APOBEC3G: variants seen among roughly 807,000 people sequenced by gnomAD.
APOBEC3G encodes the protein DNA dC->dU-editing enzyme APOBEC-3G.
APOBEC3G carries 44 observed loss-of-function variants against 50.0 expected under a neutral mutation model. The ratio of observed to expected loss-of-function variants is 0.88; its 90% CI spans 0.69 to 1.13. APOBEC3G has a LOEUF of 1.13. APOBEC3G is among the 50% of genes most tolerant of loss of function. APOBEC3G has a pLI of 0.00. For synonymous variants in APOBEC3G, 156 were observed against 175.3 expected (o/e 0.89, Z 0.87); for missense variants, 469 against 492.0 (o/e 0.95, Z 0.44).
chr22:39,080,639 G>A (rs889432935), intron 2 of APOBEC3G: 1 of 401,112 alleles, frequency 2.5e-6, no homozygotes, highest in African/African-American at 2.0e-5. Context: ...GAGACAGAAA[G>A]AGGGGCTGAA....
intron 1 of APOBEC3G, 143 bp from the exon 2 acceptor site, chr22:39,078,789 T>G: frequency 8.1e-7 from 1 of 1,236,592 alleles, no homozygotes; most frequent in Non-Finnish European, 1.1e-6. Flanking sequence ...CTTGGCTCAC[T>G]ACAGTCTCCG....
chr22:39,079,339 C>T, intron 2 of APOBEC3G: 1 of 453,846 alleles, frequency 2.2e-6, no homozygotes, highest in Non-Finnish European at 3.8e-6. Context: ...TTTTTTGAGA[C>T]AGAGTTTCAC....
chr22:39,080,888 C>T (rs1928408740), intron 2 of APOBEC3G, 45 bp from the exon 3 acceptor site: 2 of 1,543,478 alleles, frequency 1.3e-6, no homozygotes, highest in Non-Finnish European at 1.8e-6. Context: ...TGCTCTCCTC[C>T]TGCTCCCCCT....
intron 4 of APOBEC3G, chr22:39,081,845 C>T: frequency 2.3e-6 from 1 of 431,052 alleles, no homozygotes; most frequent in Non-Finnish European, 4.2e-6. Flanking sequence ...CTCCATCCAC[C>T]CCCACAGCCT....
chr22:39,084,063 G>A (rs1928593884), intron 5 of APOBEC3G, among the ~76,000 whole-genome samples, 179 bp downstream of exon 5: 1 of 152,102 alleles, frequency 6.6e-6, no homozygotes, highest in South Asian at 2.1e-4. Context: ...GACTCTCCAG[G>A]ATTGGTGGCT....
chr22:39,082,097 C>G (rs770578907), intron 4 of APOBEC3G: 4 of 159,876 alleles, frequency 2.5e-5, no homozygotes, highest in African/African-American at 4.8e-5. Flanking sequence ...TTTTCTCACA[C>G]ATCTGGAGGC....
intron 1 of APOBEC3G, 88 bp downstream of exon 1, chr22:39,077,466 G>T (rs879912026): frequency 6.5e-7 from 1 of 1,546,930 alleles, no homozygotes; most frequent in Non-Finnish European, 8.7e-7. Flanking sequence ...GCCTTCCCCT[G>T]CCCCAGCCCC....
intron 2 of APOBEC3G, chr22:39,079,961 T>A (rs1211229435): frequency 1.3e-5 from 2 of 154,710 alleles, no homozygotes; most frequent in Non-Finnish European, 2.9e-5. Flanking sequence ...GGAGAACCGC[T>A]TGATCCCATG....
Position 39,079,080 on chromosome 22 carries a change from G to C in APOBEC3G, c.166G>C (p.Gly56Arg). The C allele has an allele frequency of 6.2e-7, 1 of 1,614,060 alleles. No homozygotes were observed. Among genetic ancestry groups the C allele is most frequent in the Non-Finnish European group, 8.5e-7 (1 of 1,179,988 alleles). ...RPPLDAKIFR[G>R]QVYSELKYHP... Reference sequence around the variant, plus strand: ...CCCTTTGGACGCAAAGATCTTTCGAGGCCAGGTACCACCCGGACTCCAATC... The same window carrying C: ...CCCTTTGGACGCAAAGATCTTTCGACGCCAGGTACCACCCGGACTCCAATC... The change falls in exon 2 of 8, where the codon GGC (glycine) becomes CGC (arginine). Residue 56 changes from glycine (G) to arginine (R), a missense_variant. Coordinates refer to ENST00000407997, the MANE Select transcript of APOBEC3G (RefSeq NM_021822.4).
rs1928751468 is a variant in APOBEC3G, at chr22:39,087,504, G to A, written c.*83G>A. The A allele has an allele frequency of 1.2e-6, 2 of 1,611,778 alleles. No homozygotes were observed. The highest frequency in any genetic ancestry group is 2.2e-5 in the South Asian group (2 of 91,022). On this transcript the variant is annotated 3_prime_UTR_variant, in exon 8 of 8. Coordinates refer to ENST00000407997, the MANE Select transcript of APOBEC3G (RefSeq NM_021822.4). ...GATCTTCTTCCAAGAAATGCAAACA[G>A]GCTGTTCACCACCATCTCCAGCTGA... is the stretch of plus-strand genomic sequence containing the variant.
chr22:39,083,536 C>T (rs549328448), intron 4 of APOBEC3G, among the ~76,000 whole-genome samples, 195 bp from the exon 5 acceptor site: 4 of 152,138 alleles, frequency 2.6e-5, no homozygotes, highest in Non-Finnish European at 5.9e-5. Flanking sequence ...CCAGTGAGCC[C>T]CAGAAGGGGT....
chr22:39,077,213 A>T (rs1440025659), upstream of APOBEC3G: 2 of 1,378,058 alleles, frequency 1.5e-6, no homozygotes, highest in Non-Finnish European at 2.0e-6. Flanking sequence ...CTCCTACACC[A>T]GCGCCTGAGC....
At chr22:39,083,304 C>T (rs956819010) in intron 4 of APOBEC3G, 6 of 156,242 alleles carry the variant, frequency 3.8e-5, no homozygotes, top group African/African-American at 1.4e-4. Context: ...TGTCTCTGCC[C>T]TGATGCTGGG....
rs1928693082 is a variant in APOBEC3G, at chr22:39,086,389, C to T, written c.846C>T (p.Phe282=). Residue 282 remains phenylalanine (F), a synonymous_variant, in exon 6 of 8, where the codon TTC becomes TTT. Transcript: ENST00000407997. Reference sequence around the variant, plus strand: ...ACCAGGACTACAGGGTTACCTGCTTCACCTCCTGGAGCCCCTGCTTCAGCT... The same window carrying T: ...ACCAGGACTACAGGGTTACCTGCTTTACCTCCTGGAGCCCCTGCTTCAGCT... ...DLDQDYRVTC[F]TSWSPCFSCA... is the part of the protein sequence containing the mutation. 15 of 1,614,216 alleles carry T rather than the reference C, an allele frequency of 9.3e-6. No homozygotes were observed. Among genetic ancestry groups the T allele is most frequent in the Non-Finnish European group, 1.2e-5 (14 of 1,180,028 alleles).
intron 2 of APOBEC3G, 182 bp from the exon 3 acceptor site, chr22:39,080,751 A>G: frequency 1.6e-6 from 1 of 630,630 alleles, no homozygotes; most frequent in Non-Finnish European, 2.8e-6. Flanking sequence ...TACCATAGCA[A>G]TTAATACTGA....
At chr22:39,080,713 G>T in intron 2 of APOBEC3G, 2 of 559,892 alleles carry the variant, frequency 3.6e-6, no homozygotes, top group Non-Finnish European at 6.3e-6. Context: ...CCTCATAGCT[G>T]CTTGTAGGTG....
At chr22:39,086,207 G>C (rs1379104800) in intron 5 of APOBEC3G, 72 bp from the exon 6 acceptor site, 2 of 1,496,694 alleles carry the variant, frequency 1.3e-6, no homozygotes, top group African/African-American at 2.8e-5. Context: ...GTACACTCCA[G>C]CCTGGGCAAC....
In APOBEC3G at chr22:39,081,100, G is replaced by A. The variant is rs761465657; in HGVS notation, c.339G>A (p.Lys113=). Residue 113 remains lysine (K), a synonymous_variant, in exon 3 of 8, where the codon AAG becomes AAA. Transcript: ENST00000407997. The part of the protein sequence containing the change: ...DMATFLAEDP[K]VTLTIFVARL... ...CCACGTTCCTGGCCGAGGACCCGAA[G>A]GTTACCCTGACCATCTTTGTTGCCC... is the stretch of plus-strand genomic sequence containing the variant. 1.2e-6 allele frequency: 2 copies of A among 1,614,240 alleles called. No individual in the cohort carries two copies. Among genetic ancestry groups the A allele is most frequent in the South Asian group, 1.1e-5 (1 of 91,088 alleles).
rs1326612676 is a variant in APOBEC3G at position 39,081,544 on chromosome 22, A to G, written c.540A>G (p.Lys180=). The change falls in exon 4 of 8, where the codon AAA becomes AAG. Residue 180 remains lysine (K), a synonymous_variant. Transcript: ENST00000407997. ...ELFEPWNNLP[K]YYILLHIMLG... is the part of the protein sequence containing the mutation. ...TTGAGCCTTGGAATAATCTGCCTAA[A>G]TATTATATATTACTGCACATCATGC... 1.2e-6 allele frequency: 2 copies of G among 1,614,010 alleles called. No individual in the cohort carries two copies. Among genetic ancestry groups the G allele is most frequent in the African/African-American group, 2.7e-5 (2 of 74,906 alleles).
Sources: allele counts gnomAD v4.1 joint callset (sites outside exome capture counted in the v4.1 genomes callset), GRCh38; gene constraint gnomAD v4.1.1; transcripts MANE v1.5; gene names NCBI Gene and HGNC (gene_info 2026-07-23, HGNC 2026-07-21).